Variants in EPN1 observed in about 807,000 individuals in gnomAD.
The protein encoded by EPN1 is epsin-1.
EPN1 carries 25 observed loss-of-function variants against 56.9 expected under a neutral mutation model. That is an observed-to-expected ratio of 0.44 (90% confidence interval 0.32 to 0.61). The LOEUF (loss-of-function observed/expected upper bound fraction) is 0.61, where lower values mean the gene tolerates loss of function less well. Among genes scored for constraint, EPN1 ranks in the 20% least tolerant of loss-of-function variants. The pLI is 0.05. For synonymous variants in EPN1, 411 were observed against 361.8 expected, an observed-to-expected ratio of 1.14 and a Z score of -1.54; for missense variants, 785 against 823.7, an observed-to-expected ratio of 0.95 and a Z score of 0.58.
intron 2 of EPN1, among the ~76,000 whole-genome samples, chr19:55,683,991 AAGGGCCCC>A (rs1465382807): frequency 1.5e-4 from 23 of 152,188 alleles, no homozygotes; most frequent in Non-Finnish European, 3.1e-4. Context: ...TCCAAAACAC[AAGGGCCCC>A]AGGAGTTGTG....
At chr19:55,685,168 G>A (rs764463473) in intron 2 of EPN1, among the ~76,000 whole-genome samples, 7 of 152,238 alleles carry the variant, frequency 4.6e-5, no homozygotes, top group Admixed American at 2.0e-4. Flanking sequence ...GGCGTCTGTC[G>A]CTGAGCGCAG....
At chr19:55,688,116 T>G (rs1424088848) in intron 3 of EPN1, among the ~76,000 whole-genome samples, 1 of 152,060 alleles carries the variant, frequency 6.6e-6, no homozygotes, top group Non-Finnish European at 1.5e-5. Flanking sequence ...GCTGGGGCAA[T>G]GGCCCTGTGC....
Position 55,688,879 on chromosome 19 carries a change from C to T in EPN1, c.488C>T (p.Ala163Val). The change falls in exon 4 of 11, where the codon GCA becomes GTA. Residue 163 changes from alanine to valine, a missense_variant. Physicochemically the swap from Ala to Val is moderately conservative, Grantham distance 64. This residue lies in a region of EPN1 where 650 missense variants were observed against 605.0 expected (regional missense o/e 1.07). Transcript: ENST00000270460. ...KLAQTATASS[A>V]AVGSGPPPEA... ...CTCACCCGCCCTCCAGCCTCATCAG[C>T]AGCTGTGGGCTCAGGCCCCCCTCCC... is the stretch of plus-strand genomic sequence containing the variant. The T allele has an allele frequency of 6.3e-7, 1 of 1,577,806 alleles. No individual in the cohort carries two copies. The highest frequency in any genetic ancestry group is 8.6e-7 in the Non-Finnish European group (1 of 1,162,084).
chr19:55,682,036 G>T (rs907677139), intron 2 of EPN1, among the ~76,000 whole-genome samples: 2 of 151,578 alleles, frequency 1.3e-5, no homozygotes, highest in African/African-American at 4.9e-5. Context: ...GAACTCCTGG[G>T]CTCAAGCGAT....
In EPN1 at chr19:55,705,250, ATATGT is replaced by A. The variant is rs2122249372; in HGVS notation, c.*9896_*9900del. On this transcript the variant is annotated 3_prime_UTR_variant, in exon 11 of 11. Transcript: ENST00000270460. ...CTGCTGACTGCAGGGAGATGGGGAG[ATATGT>A]TTTGTAAACCTGTCCAGGCAACTTT... 1 of 152,332 alleles carries A rather than the reference ATATGT, an allele frequency of 6.6e-6. No homozygotes were observed. The highest frequency in any genetic ancestry group is 1.5e-5 in the Non-Finnish European group (1 of 68,042). The allele number at this position is 152,332 out of a possible 1,614,324, so 9.4% of individuals were successfully genotyped here.
Position 55,695,262 on chromosome 19 carries a change from C to T in EPN1, c.1637C>T (p.Pro546Leu), listed in dbSNP as rs775606032. 6.2e-7 allele frequency: 1 copy of T among 1,609,324 alleles called. No individual in the cohort carries two copies. The highest frequency in any genetic ancestry group is 8.5e-7 in the Non-Finnish European group (1 of 1,178,718). ...SPVPPVPGAPPTYISPLGGGP... is the reference protein window; with the variant it reads ...SPVPPVPGAPLTYISPLGGGP... ...GTGCCTCCCGTCCCTGGAGCGCCAC[C>T]CACGTACATCTCTCCCCTTGGCGGG... is the stretch of plus-strand genomic sequence containing the variant. Residue 546 changes from proline to leucine, a missense_variant, in exon 11 of 11, where the codon CCC becomes CTC. By Grantham distance (98) the Pro-to-Leu change is moderately conservative (BLOSUM62 -3). Around this residue, in one of 2 missense-constraint regions of EPN1, gnomAD observed 650 missense variants for 605.0 expected, o/e 1.07. Transcript: ENST00000270460. This position sits in a 1 kb window ranked among gnomAD's most constrained non-coding sequence, Gnocchi z 4.4.
rs1188946899 is a variant in EPN1 at position 55,706,498 on chromosome 19, A to G, written c.*11142A>G. The G allele has an allele frequency of 1.3e-5, 2 of 151,378 alleles. No homozygotes were observed. The highest frequency in any genetic ancestry group is 3.9e-4 in the East Asian group (2 of 5,092). The allele number at this position is 151,378 out of a possible 1,614,324, so 9.4% of individuals were successfully genotyped here. A position where few individuals can be genotyped will look rare whatever the true frequency, so the allele number is the denominator to read the frequency against. On this transcript the variant is annotated 3_prime_UTR_variant, in exon 11 of 11. Coordinates refer to ENST00000270460, the MANE Select transcript of EPN1 (RefSeq NM_001130072.2). ...AAAACCCTGTCTCTACTAAAAATAC[A>G]AAAATTAGCCGGGCATGATGGCAGA...
chr19:55,689,182 C>A lies in EPN1; in HGVS notation c.604-115C>A. On this transcript the variant is annotated intron_variant, in intron 4 of 10. Coordinates refer to ENST00000270460, the MANE Select transcript of EPN1 (RefSeq NM_001130072.2). This position sits in a 1 kb window ranked among gnomAD's most constrained non-coding sequence, Gnocchi z 5.7. Reference sequence around the variant, plus strand: ...TGCGTGTCACTCTCTGCCTGTCCCTCACTGGTTCAGGGACCCCCAGCCCTC... The same window carrying A: ...TGCGTGTCACTCTCTGCCTGTCCCTAACTGGTTCAGGGACCCCCAGCCCTC... The A allele has an allele frequency of 8.9e-7, 1 of 1,126,470 alleles. No individual in the cohort carries two copies. The highest frequency in any genetic ancestry group is 1.3e-6 in the Non-Finnish European group (1 of 783,722). The allele number at this position is 1,126,470 out of a possible 1,614,324, so 69.8% of individuals were successfully genotyped here.
chr19:55,691,136 CG>C lies in EPN1; in HGVS notation c.763-617del, dbSNP rs1986517195. On this transcript the variant is annotated intron_variant, in intron 6 of 10. Transcript: ENST00000270460. The surrounding 1 kb of genome is among the most constrained non-coding windows in gnomAD (Gnocchi z 5.6). ...CTTCCAGAACACAGGACCATGCATGCGTGTGCGTGCGGCATGGGAAGACCTG... is the reference window on the plus strand; with the variant it reads ...CTTCCAGAACACAGGACCATGCATGCTGTGCGTGCGGCATGGGAAGACCTG... Among the ~76,000 whole-genome samples, 1 of 152,128 alleles carries C rather than the reference CG, an allele frequency of 6.6e-6. No homozygotes were observed. The highest frequency in any genetic ancestry group is 2.4e-5 in the African/African-American group (1 of 41,414).
chr19:55,690,486 C>G (rs1420465954), intron 6 of EPN1, among the ~76,000 whole-genome samples: 2 of 152,252 alleles, frequency 1.3e-5, no homozygotes, highest in Non-Finnish European at 2.9e-5. Flanking sequence ...CAGTACTTCC[C>G]TGTGACGGGC....
Position 55,695,205 on chromosome 19 carries a change from C to T in EPN1, c.1580C>T (p.Thr527Met), listed in dbSNP as rs758316206. The change falls in exon 11 of 11, where the codon ACG (threonine) becomes ATG (methionine). Residue 527 changes from threonine (T) to methionine (M), a missense_variant. By Grantham distance (81) the Thr-to-Met change is moderately conservative. Coordinates refer to ENST00000270460, the MANE Select transcript of EPN1 (RefSeq NM_001130072.2). The surrounding 1 kb of genome is among the most constrained non-coding windows in gnomAD (Gnocchi z 4.4). ...TNPFQPAPPA[T>M]LTLNQLRLSP... ...CCCTTCCAGCCCGCGCCTCCCGCGA[C>T]GCTCACCCTGAACCAGCTCCGTCTC... is the stretch of plus-strand genomic sequence containing the variant. 9.9e-6 allele frequency: 16 copies of T among 1,613,476 alleles called. No individual in the cohort carries two copies. The highest frequency in any genetic ancestry group is 2.2e-5 in the East Asian group (1 of 44,886).
In EPN1 at chr19:55,695,405, C is replaced by T. The variant is rs1013895907; in HGVS notation, c.*49C>T. 6 of 1,032,240 alleles carry T rather than the reference C, an allele frequency of 5.8e-6. No individual in the cohort carries two copies. Among genetic ancestry groups the T allele is most frequent in the African/African-American group, 4.8e-5 (3 of 62,932 alleles). 63.9% of individuals were successfully genotyped at this position (1,032,240 alleles called of 1,614,324 possible). ...TCCATCCGGCTGCCCCATTCCGGCT[C>T]CCTGGGAGATCAGTGTTGTGAGTGC... On this transcript the variant is annotated 3_prime_UTR_variant, in exon 11 of 11. Coordinates refer to ENST00000270460, the MANE Select transcript of EPN1 (RefSeq NM_001130072.2). This position sits in a 1 kb window ranked among gnomAD's most constrained non-coding sequence, Gnocchi z 4.4.
In EPN1 at chr19:55,697,994, C is replaced by CT. The variant is rs1346055167; in HGVS notation, c.*2639dup. On this transcript the variant is annotated 3_prime_UTR_variant, in exon 11 of 11. Coordinates refer to ENST00000270460, the MANE Select transcript of EPN1 (RefSeq NM_001130072.2). Reference sequence around the variant, plus strand: ...GGTACCATCAGTGGATGGAAAATCACTAAGAGCAAACCTCAGGGGTCCGGG... The same window carrying CT: ...GGTACCATCAGTGGATGGAAAATCACTTAAGAGCAAACCTCAGGGGTCCGGG... 1.3e-5 allele frequency: 2 copies of CT among 151,734 alleles called. No individual in the cohort carries two copies. Among genetic ancestry groups the CT allele is most frequent in the African/African-American group, 2.4e-5 (1 of 41,268 alleles). 9.4% of individuals were successfully genotyped at this position (151,734 alleles called of 1,614,324 possible).
rs564235475 is a variant in EPN1 at position 55,695,022 on chromosome 19, G to T, written c.1522+39G>T. On this transcript the variant is annotated intron_variant, in intron 10 of 10. Transcript: ENST00000270460. This position sits in a 1 kb window ranked among gnomAD's most constrained non-coding sequence, Gnocchi z 4.4. ...CATCACCTGCTCAAGTCCTTCCTGTGGGTTCCACCAGAGGAGGTGCCTCAC... is the reference window on the plus strand; with the variant it reads ...CATCACCTGCTCAAGTCCTTCCTGTTGGTTCCACCAGAGGAGGTGCCTCAC... 1.3e-5 allele frequency: 21 copies of T among 1,563,796 alleles called. No individual in the cohort carries two copies. In the South Asian group the frequency reaches 2.3e-4, roughly 17 times the overall value.
rs927832781 is a variant in EPN1, at chr19:55,709,112, C to G, written c.*13756C>G. ...TTACACAGTATTGCCTCTCTACATTCTGATGTCTACCTCTCCTCTCCTCTT... is the reference window on the plus strand; with the variant it reads ...TTACACAGTATTGCCTCTCTACATTGTGATGTCTACCTCTCCTCTCCTCTT... On this transcript the variant is annotated 3_prime_UTR_variant, in exon 11 of 11. Coordinates refer to ENST00000270460, the MANE Select transcript of EPN1 (RefSeq NM_001130072.2). The G allele has an allele frequency of 4.5e-6, 5 of 1,110,140 alleles. No individual in the cohort carries two copies. The highest frequency in any genetic ancestry group is 3.0e-5 in the Admixed American group (1 of 33,032). 68.8% of individuals were successfully genotyped at this position (1,110,140 alleles called of 1,614,324 possible).
At chr19:55,684,578 T>A (rs1243799963) in intron 2 of EPN1, among the ~76,000 whole-genome samples, 2 of 152,188 alleles carry the variant, frequency 1.3e-5, no homozygotes, top group Non-Finnish European at 2.9e-5. Flanking sequence ...GTCCTTTTGC[T>A]CCTGGTGGTG....
Position 55,695,316 on chromosome 19 carries a change from C to G in EPN1, c.1691C>G (p.Pro564Arg). 3.2e-6 allele frequency: 5 copies of G among 1,541,878 alleles called. No individual in the cohort carries two copies. In the South Asian group the frequency reaches 5.9e-5, roughly 18 times the overall value. Reference sequence around the variant, plus strand: ...CCTGGCCTGCCCCCCATGATGCCCCCGGGCCCCCCGGCCCCCAACACTAAT... The same window carrying G: ...CCTGGCCTGCCCCCCATGATGCCCCGGGGCCCCCCGGCCCCCAACACTAAT... ...GGPGLPPMMPPGPPAPNTNPF... is the reference protein window; with the variant it reads ...GGPGLPPMMPRGPPAPNTNPF... The change falls in exon 11 of 11, where the codon CCG (proline) becomes CGG (arginine). Residue 564 changes from proline to arginine, a missense_variant. Physicochemically the swap from Pro to Arg is moderately radical, Grantham distance 103. Around this residue, in one of 2 missense-constraint regions of EPN1, gnomAD observed 650 missense variants for 605.0 expected, o/e 1.07. Transcript: ENST00000270460. This position sits in a 1 kb window ranked among gnomAD's most constrained non-coding sequence, Gnocchi z 4.4.
intron 1 of EPN1, among the ~76,000 whole-genome samples, chr19:55,675,661 T>A (rs1311463097): frequency 1.3e-5 from 2 of 152,210 alleles, no homozygotes; most frequent in Admixed American, 1.3e-4. Flanking sequence ...CCTCTGCCTG[T>A]GCCTGTTTCA....
rs1285125050 is a variant in EPN1 at position 55,678,508 on chromosome 19, G to A, written c.-101-19G>A. ...GCCATGTCCCATTTGTGTTTCCAGA[G>A]GTCCTCTTCCCCTCGCAGATGCGGT... On this transcript the variant is annotated intron_variant, in intron 1 of 10. Transcript: ENST00000270460. 2.0e-6 allele frequency: 3 copies of A among 1,530,898 alleles called. No individual in the cohort carries two copies. The highest frequency in any genetic ancestry group is 2.7e-5 in the African/African-American group (2 of 72,864). The allele number at this position is 1,530,898 out of a possible 1,614,324, so 94.8% of individuals were successfully genotyped here.
Sources: allele counts gnomAD v4.1 joint callset (sites outside exome capture counted in the v4.1 genomes callset), GRCh38; gene constraint gnomAD v4.1.1; regional missense constraint gnomAD v4.1.1; non-coding constraint Gnocchi (gnomAD v3.1); transcripts MANE v1.5; gene names NCBI Gene and HGNC (gene_info 2026-07-23, HGNC 2026-07-21).